Variants in MYO3B observed in about 807,000 individuals in gnomAD.
The protein encoded by MYO3B is myosin-IIIb.
Under a neutral mutation model 174.6 loss-of-function variants are expected in MYO3B, and 156 were observed. The observed-to-expected ratio is 0.89, with a 90% CI of 0.78 to 1.02. The LOEUF is 1.02. Ranked by LOEUF, MYO3B falls within the 50% of genes least tolerant of loss-of-function variation. The pLI is 0.00. For missense variants in MYO3B, 1,632 were observed against 1,639.4 expected (o/e 1.00, Z 0.08); for synonymous variants, 563 against 569.1 (o/e 0.99, Z 0.15).
intron 32 of MYO3B, among the ~76,000 whole-genome samples, chr2:170,638,352 G>C (rs1437916173): frequency 1.3e-5 from 2 of 152,120 alleles, no homozygotes; most frequent in Admixed American, 6.6e-5. Context: ...CCCAGAAAGT[G>C]GTTCAGGGGA....
intron 22 of MYO3B, among the ~76,000 whole-genome samples, chr2:170,438,434 G>A (rs575361300): frequency 1.3e-5 from 2 of 152,162 alleles, no homozygotes; most frequent in Admixed American, 6.5e-5. Context: ...AATTCTTTTA[G>A]GTAAATACTC....
chr2:170,532,106 A>C (rs776184352), intron 30 of MYO3B, among the ~76,000 whole-genome samples: 2 of 152,154 alleles, frequency 1.3e-5, no homozygotes, highest in Non-Finnish European at 2.9e-5. Flanking sequence ...AACTGACAGC[A>C]TGTGCCTCCT....
intron 32 of MYO3B, among the ~76,000 whole-genome samples, chr2:170,558,654 A>G (rs1274819031): frequency 2.0e-5 from 3 of 152,128 alleles, no homozygotes; most frequent in Non-Finnish European, 2.9e-5. Flanking sequence ...TTAGGATGAG[A>G]GCACACTTTA....
chr2:170,384,063 T>C, intron 12 of MYO3B: 1 of 404,586 alleles, frequency 2.5e-6, no homozygotes, highest in South Asian at 4.5e-5. Context: ...TCTGATAAGA[T>C]ATAATAAAAA....
chr2:170,413,908 T>C (rs111280036), intron 22 of MYO3B, among the ~76,000 whole-genome samples: 18,872 of 151,470 alleles, frequency 0.12, 1,359 homozygotes, highest in East Asian at 0.29. Flanking sequence ...GGTGTGGTGG[T>C]GGGCGCCTGT....
At chr2:170,308,836 T>G (rs1352148394) in intron 7 of MYO3B, among the ~76,000 whole-genome samples, 2 of 152,024 alleles carry the variant, frequency 1.3e-5, no homozygotes, top group African/African-American at 2.4e-5. Flanking sequence ...GCCTGTTCCT[T>G]TAGAAGGGGG....
chr2:170,366,168 G>C (rs764394444), intron 8 of MYO3B, among the ~76,000 whole-genome samples: 11 of 152,030 alleles, frequency 7.2e-5, no homozygotes, highest in South Asian at 4.2e-4. Flanking sequence ...GTTGGCTCTG[G>C]GTCTCTCCTT....
intron 32 of MYO3B, among the ~76,000 whole-genome samples, chr2:170,637,652 G>C (rs779851442): frequency 3.9e-5 from 6 of 152,128 alleles, no homozygotes; most frequent in Non-Finnish European, 7.4e-5. Flanking sequence ...TCTCATATTG[G>C]ATTGTAAAAC....
rs78022389 is a variant in MYO3B at position 170,483,684 on chromosome 2, T to G, written c.3015-14908T>G. On this transcript the variant is annotated intron_variant, in intron 25 of 34. Transcript: ENST00000408978. ...AACAAATATCAGTGGGGCTAACTTATGTTAGATAATAACAATGAAGCAGCA... is the reference window on the plus strand; with the variant it reads ...AACAAATATCAGTGGGGCTAACTTAGGTTAGATAATAACAATGAAGCAGCA... Among the ~76,000 whole-genome samples, 284 of 152,142 alleles carry G rather than the reference T, an allele frequency of 1.9e-3. 1 individual carries two copies. Among genetic ancestry groups the G allele is most frequent in the African/African-American group, 6.5e-3 (269 of 41,440 alleles).
At chr2:170,511,060 T>C (rs112157980) in intron 28 of MYO3B, among the ~76,000 whole-genome samples, 1,690 of 151,376 alleles carry the variant, frequency 0.011, 17 homozygotes, top group Non-Finnish European at 0.019. Context: ...ATTTTCCTTT[T>C]GTTTTTTTTT....
At chr2:170,353,685 C>T (rs953290596) in intron 8 of MYO3B, among the ~76,000 whole-genome samples, 1 of 152,052 alleles carries the variant, frequency 6.6e-6, no homozygotes, top group Non-Finnish European at 1.5e-5. Flanking sequence ...ATCTCTGTAC[C>T]TTTCTCTCAA....
At position 170,241,129 on chromosome 2, in the gene MYO3B, T is replaced by C. The variant is rs527451924; in HGVS notation, c.749+4993T>C. On this transcript the variant is annotated intron_variant, in intron 7 of 34. Coordinates refer to ENST00000408978, the MANE Select transcript of MYO3B (RefSeq NM_138995.5). ...TTTTTTCTCTTCCCTTTTATTTATT[T>C]GTTTTTTTTTTTAGTAGGAAAAGCT... is the stretch of plus-strand genomic sequence containing the variant. Among the ~76,000 whole-genome samples the C allele has an allele frequency of 5.1e-3, 518 of 102,382 alleles. 2 individuals are homozygous for C. The highest frequency in any genetic ancestry group is 9.3e-3 in the Middle Eastern group (2 of 214). The allele number at this position is 102,382 out of a possible 152,430, so 67.2% of individuals were successfully genotyped here.
intron 32 of MYO3B, among the ~76,000 whole-genome samples, chr2:170,609,631 T>C (rs1347903700): frequency 6.6e-6 from 1 of 152,248 alleles, no homozygotes; most frequent in Non-Finnish European, 1.5e-5. Flanking sequence ...GGTCCAATGA[T>C]GTCATTAGGC....
chr2:170,573,730 GA>G (rs964756921), intron 32 of MYO3B, among the ~76,000 whole-genome samples: 5 of 152,058 alleles, frequency 3.3e-5, no homozygotes, highest in Non-Finnish European at 7.4e-5. Flanking sequence ...ATATATATTT[GA>G]TTTTTTTAAG....
intron 1 of MYO3B, among the ~76,000 whole-genome samples, chr2:170,180,385 C>T (rs78872896): frequency 6.6e-6 from 1 of 152,120 alleles, no homozygotes; most frequent in South Asian, 2.1e-4. Flanking sequence ...CTCAGAGGGC[C>T]AAGATGTAGA....
intron 14 of MYO3B, among the ~76,000 whole-genome samples, chr2:170,387,856 G>A (rs2094387381): frequency 6.6e-6 from 1 of 152,054 alleles, no homozygotes; most frequent in African/African-American, 2.4e-5. Context: ...TACTAGTGCT[G>A]ACCTCATGGG....
chr2:170,643,966 G>A (rs1698174829), intron 32 of MYO3B: 1 of 152,260 alleles, frequency 6.6e-6, no homozygotes, highest in African/African-American at 2.4e-5. Context: ...GATGAAAATG[G>A]AAACATTAAG....
rs544061204 is a variant in MYO3B at position 170,273,308 on chromosome 2, C to T, written c.749+37172C>T. On this transcript the variant is annotated intron_variant, in intron 7 of 34. Coordinates refer to ENST00000408978, the MANE Select transcript of MYO3B (RefSeq NM_138995.5). ...GCATTTCTGTCTTGGGAACTGGAGG[C>T]GAAACTAGGGATCTCAGAATGCTGA... Among the ~76,000 whole-genome samples, 142 of 152,140 alleles carry T rather than the reference C, an allele frequency of 9.3e-4. 1 individual carries two copies. Among genetic ancestry groups the T allele is most frequent in the Middle Eastern group, 6.8e-3 (2 of 294 alleles).
intron 1 of MYO3B, among the ~76,000 whole-genome samples, chr2:170,190,829 T>C (rs1428502155): frequency 6.6e-6 from 1 of 151,910 alleles, no homozygotes; most frequent in Non-Finnish European, 1.5e-5. Context: ...AAGAGCCCAC[T>C]TGGTGCTCTA....
Sources: allele counts gnomAD v4.1 joint callset (sites outside exome capture counted in the v4.1 genomes callset), GRCh38; gene constraint gnomAD v4.1.1; transcripts MANE v1.5; gene names NCBI Gene and HGNC (gene_info 2026-07-23, HGNC 2026-07-21).